PRELID2: variants seen among roughly 807,000 people sequenced by gnomAD.
The protein encoded by PRELID2 is PRELI domain containing 2, also known as PRELI domain-containing protein 2.
Under a neutral mutation model 28.4 loss-of-function variants are expected in PRELID2, and 25 were observed. That is an observed-to-expected ratio of 0.88 (90% CI 0.64 to 1.23). The LOEUF (loss-of-function observed/expected upper bound fraction) is 1.23. Ranked by LOEUF, PRELID2 falls within the 50% of genes most tolerant of loss-of-function variation. PRELID2 has a pLI of 0.00. For synonymous variants in PRELID2, 76 were observed against 71.6 expected (o/e 1.06, Z -0.31); for missense variants, 201 against 214.4 (o/e 0.94, Z 0.39).
intron 6 of PRELID2, 61 bp downstream of exon 6, chr5:145,764,870 G>T: frequency 1.6e-6 from 2 of 1,237,276 alleles, no homozygotes; most frequent in Non-Finnish European, 2.4e-6. Context: ...TAGAATACCA[G>T]GCTGATAAGC....
chr5:145,644,046 G>A (rs1754154100), intron 1 of PRELID2, among the ~76,000 whole-genome samples: 1 of 152,038 alleles, frequency 6.6e-6, no homozygotes, highest in Admixed American at 6.6e-5. Context: ...TTAGGGAGGA[G>A]TCTCTCTTTT....
the PRELID2 span, among the ~76,000 whole-genome samples, chr5:145,243,995 T>C: frequency 2.0e-5 from 3 of 152,010 alleles, no homozygotes; most frequent in Non-Finnish European, 4.4e-5. Context: ...CTCTGTTGCC[T>C]AGGCTGGAAT....
intron 1 of PRELID2, among the ~76,000 whole-genome samples, chr5:145,687,317 T>C (rs1470734347): frequency 1.3e-5 from 2 of 152,202 alleles, no homozygotes; most frequent in Non-Finnish European, 2.9e-5. Context: ...TGCCATTTGC[T>C]TCCTGCATGG....
intron 1 of PRELID2, among the ~76,000 whole-genome samples, chr5:145,658,058 T>C (rs950456118): frequency 2.0e-5 from 3 of 152,210 alleles, no homozygotes; most frequent in Middle Eastern, 3.2e-3. Flanking sequence ...ATATATTGAG[T>C]ACCTCTTGTG....
intron 1 of PRELID2, among the ~76,000 whole-genome samples, chr5:145,645,563 T>A (rs1754183800): frequency 6.6e-6 from 1 of 152,132 alleles, no homozygotes; most frequent in African/African-American, 2.4e-5. Context: ...TGTGTGAATC[T>A]GATCCTGTCC....
At chr5:145,745,123 C>T (rs1756953337) in intron 1 of PRELID2, among the ~76,000 whole-genome samples, 1 of 151,708 alleles carries the variant, frequency 6.6e-6, no homozygotes, top group South Asian at 2.1e-4. Context: ...AGTTTGAAGA[C>T]CATCTTGCTG....
intron 1 of PRELID2, among the ~76,000 whole-genome samples, chr5:145,642,091 C>G (rs1754117121): frequency 6.6e-6 from 1 of 152,182 alleles, no homozygotes; most frequent in African/African-American, 2.4e-5. Flanking sequence ...AATCACCACA[C>G]TGTCTTCCAC....
At chr5:145,273,866 A>G in the PRELID2 span, among the ~76,000 whole-genome samples, 2 of 152,110 alleles carry the variant, frequency 1.3e-5, no homozygotes, top group African/African-American at 2.4e-5. Context: ...ACATGGGGTA[A>G]GTGGCCATAG....
the PRELID2 span, among the ~76,000 whole-genome samples, chr5:145,234,220 A>C: frequency 6.6e-6 from 1 of 152,232 alleles, no homozygotes; most frequent in South Asian, 2.1e-4. Flanking sequence ...GAAATATACT[A>C]ATTCTTAGCA....
chr5:145,282,423 T>A, the PRELID2 span, among the ~76,000 whole-genome samples: 2 of 152,164 alleles, frequency 1.3e-5, no homozygotes, highest in African/African-American at 2.4e-5. Flanking sequence ...ATTTAAGACA[T>A]TAAATGGAAT....
chr5:145,566,627 G>T (rs62392709), intron 1 of PRELID2, among the ~76,000 whole-genome samples: 1,776 of 152,292 alleles, frequency 0.012, 16 homozygotes, highest in Non-Finnish European at 0.017. Flanking sequence ...ATCACTTGAT[G>T]TCATGAGTTC....
chr5:145,385,914 T>G, the PRELID2 span, among the ~76,000 whole-genome samples: 1 of 152,132 alleles, frequency 6.6e-6, no homozygotes, highest in East Asian at 1.9e-4. Context: ...TTTGGCTCTA[T>G]GTCCCCACCC....
intron 1 of PRELID2, among the ~76,000 whole-genome samples, chr5:145,610,090 T>G (rs997251204): frequency 3.9e-5 from 6 of 152,142 alleles, no homozygotes; most frequent in Non-Finnish European, 7.4e-5. Context: ...AGTATAGAAG[T>G]GCAGTGATAG....
chr5:145,235,558 T>A, the PRELID2 span, among the ~76,000 whole-genome samples: 1 of 152,172 alleles, frequency 6.6e-6, no homozygotes, highest in African/African-American at 2.4e-5. Context: ...TTAGGATTAA[T>A]GAGAACAATG....
chr5:145,231,481 T>C, the PRELID2 span, among the ~76,000 whole-genome samples: 3 of 152,180 alleles, frequency 2.0e-5, no homozygotes, highest in Non-Finnish European at 4.4e-5. Flanking sequence ...TGCAAGACAC[T>C]ATGGTTATTT....
intron 1 of PRELID2, among the ~76,000 whole-genome samples, chr5:145,728,186 C>A (rs1262225615): frequency 6.6e-6 from 1 of 152,242 alleles, no homozygotes; most frequent in African/African-American, 2.4e-5. Context: ...TGCTTTTGTA[C>A]ATCTTTAGGG....
At chr5:145,647,574 A>AAAAT (rs1317464686) in intron 1 of PRELID2, among the ~76,000 whole-genome samples, 1 of 152,208 alleles carries the variant, frequency 6.6e-6, no homozygotes, top group Non-Finnish European at 1.5e-5. Context: ...GCATATGGAA[A>AAAAT]AAATAAATAA....
chr5:145,409,108 C>A, the PRELID2 span, among the ~76,000 whole-genome samples: 2 of 152,076 alleles, frequency 1.3e-5, no homozygotes, highest in Non-Finnish European at 2.9e-5. Flanking sequence ...AGTTTTGTAT[C>A]CAGCAAAACT....
intron 5 of PRELID2, among the ~76,000 whole-genome samples, chr5:145,771,737 C>G (rs546296812): frequency 6.6e-6 from 1 of 152,198 alleles, no homozygotes; most frequent in Non-Finnish European, 1.5e-5. Context: ...TGCCTGTAAT[C>G]CCTGCTACTT....
Sources: allele counts gnomAD v4.1 joint callset (sites outside exome capture counted in the v4.1 genomes callset), GRCh38; gene constraint gnomAD v4.1.1; transcripts MANE v1.5; gene names NCBI Gene and HGNC (gene_info 2026-07-23, HGNC 2026-07-21).